The following PTPN22 variants were observed in gnomAD, a reference collection of about 807,000 sequenced individuals.
PTPN22 encodes tyrosine-protein phosphatase non-receptor type 22.
In PTPN22, 85 loss-of-function variants were observed where a neutral mutation model predicts 103.3. The ratio of observed to expected loss-of-function variants is 0.82; its 90% confidence interval spans 0.69 to 0.99. The LOEUF (loss-of-function observed/expected upper bound fraction) is 0.99. Among genes scored for constraint, PTPN22 ranks in the 50% least tolerant of loss-of-function variants. The probability of loss-of-function intolerance (pLI) is 0.00; values close to 1 mark genes in which losing one functional copy is unlikely to be tolerated. For synonymous variants in PTPN22, 323 were observed against 310.2 expected (o/e 1.04, Z -0.43); for missense variants, 865 against 936.9 (o/e 0.92, Z 1.00).
chr1:113,837,951 C>A, exon 13 of PTPN22: 1 of 1,614,088 alleles, frequency 6.2e-7, no homozygotes, highest in Non-Finnish European at 8.5e-7. Context: ...GAGCCTGCAT[C>A]TCTACAAAAC....
intron 11 of PTPN22, among the ~76,000 whole-genome samples, chr1:113,841,571 A>G (rs926599867): frequency 1.3e-5 from 2 of 151,178 alleles, no homozygotes; most frequent in African/African-American, 4.9e-5. Context: ...GAGAACTCCT[A>G]AAACTCAACA....
intron 11 of PTPN22, among the ~76,000 whole-genome samples, chr1:113,843,374 C>G (rs1286056652): frequency 1.3e-5 from 2 of 151,982 alleles, no homozygotes; most frequent in African/African-American, 4.8e-5. Context: ...AAAATTGTGA[C>G]ACGTTACAAC....
intron 15 of PTPN22, 115 bp from the exon 16 acceptor site, chr1:113,833,253 AT>A: frequency 1.4e-6 from 1 of 717,022 alleles, no homozygotes; most frequent in South Asian, 1.8e-5. Flanking sequence ...AGAGATAATT[AT>A]GAAATGTAGA....
chr1:113,848,465 G>A (rs1005232283), intron 11 of PTPN22, 75 bp downstream of exon 11: 1 of 1,599,872 alleles, frequency 6.3e-7, no homozygotes, highest in Admixed American at 1.7e-5. Context: ...GATAAATCCT[G>A]CAACAAATCT....
chr1:113,819,939 A>G (rs1240609403), intron 19 of PTPN22: 1 of 205,796 alleles, frequency 4.9e-6, no homozygotes, highest in Non-Finnish European at 9.6e-6. Context: ...TATATCATGA[A>G]TCAGCATTTT....
Position 113,825,993 on chromosome 1 carries a change from G to A in PTPN22, c.2251-821C>T, listed in dbSNP as rs142232276. On this transcript the variant is annotated intron_variant, in intron 18 of 20. Transcript: ENST00000359785. Reference sequence around the variant, plus strand: ...CTTCCAAAGTGCTGGGATTACAGGCGTGAGCCACCGTGGCCAGCCAATAAA... The same window carrying A: ...CTTCCAAAGTGCTGGGATTACAGGCATGAGCCACCGTGGCCAGCCAATAAA... 1.4e-3 allele frequency among the ~76,000 whole-genome samples: 213 copies of A among 152,148 alleles called. 1 individual carries two copies. Among genetic ancestry groups the A allele is most frequent in the African/African-American group, 4.9e-3 (205 of 41,548 alleles).
intron 19 of PTPN22, among the ~76,000 whole-genome samples, chr1:113,824,797 G>A (rs969773334): frequency 2.0e-5 from 3 of 151,752 alleles, no homozygotes; most frequent in African/African-American, 7.2e-5. Flanking sequence ...CCAGGAGTTC[G>A]AGACCAACCT....
chr1:113,859,071 A>G (rs919931571), exon 3 of PTPN22: 11 of 1,613,336 alleles, frequency 6.8e-6, no homozygotes, highest in Non-Finnish European at 1.7e-6. Context: ...CTACCCGGCT[A>G]TAATCATCTA....
chr1:113,815,501 TC>T (rs1661074492), intron 20 of PTPN22: 2 of 152,370 alleles, frequency 1.3e-5, no homozygotes, highest in Middle Eastern at 6.8e-3. Flanking sequence ...TTATCTTTCT[TC>T]TTCAAACTTG....
chr1:113,859,367 T>C (rs1665370584), exon 2 of PTPN22: 1 of 1,611,454 alleles, frequency 6.2e-7, no homozygotes, highest in African/African-American at 1.3e-5. Context: ...AAAATATCCT[T>C]ATATCTGTTT....
intron 18 of PTPN22, among the ~76,000 whole-genome samples, chr1:113,827,206 T>A (rs979935603): frequency 4.6e-5 from 7 of 152,224 alleles, no homozygotes; most frequent in Non-Finnish European, 8.8e-5. Flanking sequence ...TTCCATGGAA[T>A]AGATATTTAA....
chr1:113,842,643 C>G (rs527476630), intron 11 of PTPN22, among the ~76,000 whole-genome samples: 1 of 151,950 alleles, frequency 6.6e-6, no homozygotes. Flanking sequence ...CACTGCACTC[C>G]AGCCTGGCAA....
chr1:113,868,162 C>G (rs1666271332), intron 1 of PTPN22, among the ~76,000 whole-genome samples: 1 of 151,954 alleles, frequency 6.6e-6, no homozygotes, highest in Non-Finnish European at 1.5e-5. Flanking sequence ...ATACAGACAG[C>G]CATCTGTATT....
At chr1:113,821,490 T>A (rs1661606936) in intron 19 of PTPN22, among the ~76,000 whole-genome samples, 1 of 151,950 alleles carries the variant, frequency 6.6e-6, no homozygotes, top group Non-Finnish European at 1.5e-5. Context: ...CCTGGGTAAA[T>A]TTTTTGTATT....
At position 113,852,031 on chromosome 1, in the gene PTPN22, G is replaced by T. The variant is rs761731812; in HGVS notation, c.824C>A (p.Thr275Lys). ...TCCATTCACTATAGTTCATACCTGCGTTTGAACTAATGAAGGCCTCTGTGT... is the reference window on the plus strand; with the variant it reads ...TCCATTCACTATAGTTCATACCTGCTTTTGAACTAATGAAGGCCTCTGTGT... The change falls in exon 10 of 21, where the codon ACG (threonine) becomes AAG (lysine). Residue 275 changes from threonine (T) to lysine (K), a missense_variant. Thr to Lys is a moderately conservative substitution (Grantham distance 78, BLOSUM62 -1). Coordinates refer to ENST00000359785, the Ensembl canonical transcript of PTPN22. 6.9e-6 allele frequency: 11 copies of T among 1,604,474 alleles called. No individual in the cohort carries two copies. Among genetic ancestry groups the T allele is most frequent in the African/African-American group, 1.3e-5 (1 of 74,690 alleles).
intron 3 of PTPN22, among the ~76,000 whole-genome samples, chr1:113,858,785 G>A (rs1444063727): frequency 2.0e-5 from 3 of 151,604 alleles, no homozygotes; most frequent in Non-Finnish European, 2.9e-5. Flanking sequence ...GACTACAAGC[G>A]CATGCCACCA....
At chr1:113,816,112 A>T (rs1661125669) in intron 20 of PTPN22, among the ~76,000 whole-genome samples, 1 of 152,266 alleles carries the variant, frequency 6.6e-6, no homozygotes, top group South Asian at 2.1e-4. Flanking sequence ...TAATTTCATC[A>T]TCATACAAAT....
chr1:113,856,744 G>A, intron 5 of PTPN22, 125 bp from the exon 6 acceptor site: 1 of 1,203,872 alleles, frequency 8.3e-7, no homozygotes, highest in South Asian at 1.4e-5. Context: ...ACCCCTTTGG[G>A]CTTCAACCCC....
chr1:113,849,142 C>A (rs1664340000), intron 10 of PTPN22, among the ~76,000 whole-genome samples: 1 of 152,068 alleles, frequency 6.6e-6, no homozygotes. Flanking sequence ...ACAGTTTATC[C>A]CAGGTCATTC....
Sources: gnomAD v4.1 joint callset for allele counts (sites outside exome capture counted in the v4.1 genomes callset) on GRCh38, gnomAD v4.1.1 for gene constraint, MANE v1.5 for transcripts, NCBI Gene and HGNC (gene_info 2026-07-23, HGNC 2026-07-21) for gene names.